The following SEMA6D variants were observed in gnomAD, a reference collection of about 807,000 sequenced individuals.
The protein encoded by SEMA6D is semaphorin 6D, also known as semaphorin-6D.
SEMA6D carries 35 observed loss-of-function variants against 106.6 expected under a neutral mutation model. The ratio of observed to expected loss-of-function variants is 0.33; its 90% CI spans 0.25 to 0.44. The LOEUF (loss-of-function observed/expected upper bound fraction) is 0.44, where lower values mean the gene tolerates loss of function less well. Ranked by LOEUF, SEMA6D falls within the 20% of genes least tolerant of loss-of-function variation. SEMA6D has a pLI of 1.00. For missense variants in SEMA6D, 1,185 were observed against 1,345.9 expected (o/e 0.88, Z 1.87); for synonymous variants, 499 against 487.7 (o/e 1.02, Z -0.31).
intron 3 of SEMA6D, among the ~76,000 whole-genome samples, chr15:47,554,961 G>A (rs376580828): frequency 1.2e-4 from 19 of 152,184 alleles, no homozygotes; most frequent in African/African-American, 1.9e-4. Flanking sequence ...CATGATTTTC[G>A]CTCTGATTGA....
chr15:47,597,873 A>G (rs2076568588), intron 3 of SEMA6D, among the ~76,000 whole-genome samples: 1 of 149,786 alleles, frequency 6.7e-6, no homozygotes. Flanking sequence ...TATATATATA[A>G]CATATAAAAT....
chr15:47,470,217 A>G (rs1235549146), intron 2 of SEMA6D, among the ~76,000 whole-genome samples: 1 of 152,040 alleles, frequency 6.6e-6, no homozygotes, highest in African/African-American at 2.4e-5. Flanking sequence ...TCCTTGTTCC[A>G]CCTAATGGTC....
chr15:47,197,858 A>AT (rs979486062), intron 1 of SEMA6D, among the ~76,000 whole-genome samples: 15 of 151,744 alleles, frequency 9.9e-5, no homozygotes, highest in Admixed American at 3.9e-4. Context: ...TATATTTCTT[A>AT]TTTTTTTTAC....
intron 2 of SEMA6D, among the ~76,000 whole-genome samples, chr15:47,462,109 A>G (rs907380616): frequency 6.6e-6 from 1 of 152,022 alleles, no homozygotes; most frequent in Non-Finnish European, 1.5e-5. Context: ...AGACCACGCC[A>G]GTGTGATATA....
chr15:47,559,680 A>G (rs2046020519), intron 3 of SEMA6D, among the ~76,000 whole-genome samples: 1 of 152,102 alleles, frequency 6.6e-6, no homozygotes, highest in Admixed American at 6.6e-5. Flanking sequence ...CATATTCTGA[A>G]TTGACTGGAG....
intron 1 of SEMA6D, among the ~76,000 whole-genome samples, chr15:47,354,554 TG>T (rs1426421844): frequency 1.5e-5 from 2 of 132,780 alleles, no homozygotes; most frequent in Non-Finnish European, 3.4e-5. Flanking sequence ...GAAAGGAGTG[TG>T]TGTATGTGTA....
At chr15:47,509,208 A>G (rs879498987) in intron 3 of SEMA6D, among the ~76,000 whole-genome samples, 9 of 152,264 alleles carry the variant, frequency 5.9e-5, no homozygotes, top group Middle Eastern at 6.8e-3. Context: ...GCATTTGCTA[A>G]ATTCTGGTGT....
chr15:47,427,664 G>A (rs985518062), intron 2 of SEMA6D, among the ~76,000 whole-genome samples: 1 of 152,108 alleles, frequency 6.6e-6, no homozygotes, highest in Non-Finnish European at 1.5e-5. Context: ...CTGTGAAGTG[G>A]AAATAATGTT....
intron 1 of SEMA6D, among the ~76,000 whole-genome samples, chr15:47,285,078 G>A (rs2035300685): frequency 6.6e-6 from 1 of 152,186 alleles, no homozygotes; most frequent in African/African-American, 2.4e-5. Context: ...CTGCAGCCAT[G>A]TGTATTAAAT....
chr15:47,411,557 T>C (rs2040799986), intron 1 of SEMA6D, among the ~76,000 whole-genome samples: 1 of 152,298 alleles, frequency 6.6e-6, no homozygotes, highest in Non-Finnish European at 1.5e-5. Flanking sequence ...CACACTCATA[T>C]ACCGGTAGAA....
intron 3 of SEMA6D, among the ~76,000 whole-genome samples, chr15:47,522,086 C>T (rs1203061891): frequency 2.6e-5 from 4 of 152,214 alleles, no homozygotes; most frequent in Admixed American, 2.6e-4. Context: ...CAACCCAGCT[C>T]CAAACCACAG....
intron 1 of SEMA6D, among the ~76,000 whole-genome samples, chr15:47,228,284 G>T (rs1166219458): frequency 6.6e-6 from 1 of 151,602 alleles, no homozygotes; most frequent in African/African-American, 2.4e-5. Context: ...AAGAACATTG[G>T]TTTTGTATGA....
intron 1 of SEMA6D, among the ~76,000 whole-genome samples, chr15:47,261,006 CA>C (rs978558592): frequency 1.4e-4 from 21 of 152,116 alleles, no homozygotes; most frequent in Non-Finnish European, 2.6e-4. Context: ...CTGTCCCAAA[CA>C]ATTTACCTTC....
chr15:47,565,178 G>A (rs1243220333), intron 3 of SEMA6D, among the ~76,000 whole-genome samples: 7 of 152,204 alleles, frequency 4.6e-5, no homozygotes, highest in African/African-American at 7.2e-5. Context: ...AAAGAGCACC[G>A]TAACATGCCC....
chr15:47,224,063 C>T (rs1057444622), intron 1 of SEMA6D, among the ~76,000 whole-genome samples: 4 of 151,618 alleles, frequency 2.6e-5, no homozygotes, highest in Admixed American at 6.6e-5. Flanking sequence ...TGCTAGATGA[C>T]GAGTTAGTGG....
chr15:47,439,993 G>A (rs1447074168), intron 2 of SEMA6D, among the ~76,000 whole-genome samples: 2 of 152,110 alleles, frequency 1.3e-5, no homozygotes, highest in South Asian at 2.1e-4. Flanking sequence ...CATTTATGGA[G>A]CACATATTTT....
At chr15:47,256,683 A>T (rs372137881) in intron 1 of SEMA6D, among the ~76,000 whole-genome samples, 2 of 151,824 alleles carry the variant, frequency 1.3e-5, no homozygotes, top group South Asian at 2.1e-4. Context: ...ACATGGTGAA[A>T]CCCTGTCTGT....
intron 1 of SEMA6D, among the ~76,000 whole-genome samples, chr15:47,334,318 A>G (rs976757506): frequency 5.3e-5 from 8 of 152,176 alleles, no homozygotes; most frequent in African/African-American, 1.9e-4. Context: ...GAGCCACTCC[A>G]GCAAATTAAT....
intron 3 of SEMA6D, among the ~76,000 whole-genome samples, chr15:47,534,514 G>A (rs528324276): frequency 6.6e-6 from 1 of 152,088 alleles, no homozygotes. Context: ...AAAGGTAAAC[G>A]CTAATGCAGC....
Sources: gnomAD v4.1 joint callset for allele counts (sites outside exome capture counted in the v4.1 genomes callset) on GRCh38, gnomAD v4.1.1 for gene constraint, MANE v1.5 for transcripts, NCBI Gene and HGNC (gene_info 2026-07-23, HGNC 2026-07-21) for gene names.